HPSE2: variants seen among roughly 807,000 people sequenced by gnomAD.
The protein encoded by HPSE2 is heparanase 2 (inactive).
HPSE2 carries 38 observed loss-of-function variants against 60.5 expected under a neutral mutation model. The observed-to-expected ratio is 0.63, with a 90% CI of 0.48 to 0.82. The LOEUF (loss-of-function observed/expected upper bound fraction) is 0.82. Among genes scored for constraint, HPSE2 ranks in the 40% least tolerant of loss-of-function variants. The probability of loss-of-function intolerance (pLI) is 0.00; values close to 1 mark genes in which losing one functional copy is unlikely to be tolerated. For missense variants in HPSE2, 713 were observed against 740.4 expected, an observed-to-expected ratio of 0.96 and a Z score of 0.43; for synonymous variants, 295 against 293.2, an observed-to-expected ratio of 1.01 and a Z score of -0.06.
At chr10:98,852,130 T>C (rs1357843208) in intron 3 of HPSE2, among the ~76,000 whole-genome samples, 2 of 133,764 alleles carry the variant, frequency 1.5e-5, no homozygotes, top group Non-Finnish European at 3.2e-5. Context: ...TGTGTGTGTG[T>C]GTGTGTGTGT....
intron 3 of HPSE2, among the ~76,000 whole-genome samples, chr10:99,078,309 G>A (rs1313619435): frequency 1.3e-5 from 2 of 152,170 alleles, no homozygotes; most frequent in Admixed American, 1.3e-4. Flanking sequence ...TTTTCCATCA[G>A]GAGTTGATTC....
intron 3 of HPSE2, among the ~76,000 whole-genome samples, chr10:98,992,512 T>C (rs1351325631): frequency 4.1e-4 from 62 of 152,180 alleles, no homozygotes; most frequent in Admixed American, 4.1e-3. Flanking sequence ...AGCCTCTGTG[T>C]TGAATCATTG....
intron 3 of HPSE2, among the ~76,000 whole-genome samples, chr10:98,825,595 C>T: frequency 7.9e-6 from 1 of 126,628 alleles, no homozygotes; most frequent in Non-Finnish European, 1.6e-5. Flanking sequence ...GGGATACAGG[C>T]TCTAGCCCCG....
intron 2 of HPSE2, among the ~76,000 whole-genome samples, chr10:99,213,035 A>G (rs931389492): frequency 2.0e-5 from 3 of 152,166 alleles, no homozygotes; most frequent in Non-Finnish European, 4.4e-5. Context: ...CTGGAATAGG[A>G]CAACAACAGA....
chr10:99,127,286 A>G (rs1845199282), intron 3 of HPSE2, among the ~76,000 whole-genome samples: 1 of 152,196 alleles, frequency 6.6e-6, no homozygotes. Context: ...AGAGAAATAG[A>G]TATCATAAAG....
chr10:99,275,322 T>C, the HPSE2 span, among the ~76,000 whole-genome samples: 1 of 152,210 alleles, frequency 6.6e-6, no homozygotes, highest in African/African-American at 2.4e-5. Flanking sequence ...AGTACATCTC[T>C]GTTTTCTTTG....
chr10:98,713,035 C>T (rs918341034), intron 5 of HPSE2, among the ~76,000 whole-genome samples: 14 of 152,002 alleles, frequency 9.2e-5, no homozygotes, highest in African/African-American at 3.4e-4. Flanking sequence ...AGAATTACTT[C>T]GCTAGATGAC....
intron 2 of HPSE2, among the ~76,000 whole-genome samples, chr10:99,213,794 C>T (rs1038597078): frequency 3.3e-5 from 5 of 152,136 alleles, no homozygotes; most frequent in African/African-American, 1.2e-4. Context: ...CCTCAATTTC[C>T]TCTTCTACAA....
At chr10:99,048,838 T>C (rs1019654924) in intron 3 of HPSE2, among the ~76,000 whole-genome samples, 1 of 152,134 alleles carries the variant, frequency 6.6e-6, no homozygotes, top group African/African-American at 2.4e-5. Context: ...TAGGTATCCA[T>C]CAGTGGTGGA....
At chr10:99,197,210 A>T (rs1162009468) in intron 2 of HPSE2, among the ~76,000 whole-genome samples, 3 of 152,206 alleles carry the variant, frequency 2.0e-5, no homozygotes, top group African/African-American at 7.2e-5. Context: ...AAGGATTGTT[A>T]CCAGAGGCTG....
intron 3 of HPSE2, among the ~76,000 whole-genome samples, chr10:98,993,853 AG>A (rs1433128623): frequency 6.6e-6 from 1 of 152,198 alleles, no homozygotes; most frequent in African/African-American, 2.4e-5. Flanking sequence ...TTTGAAGTAT[AG>A]TGACCCAAAA....
chr10:99,241,768 TA>T, the HPSE2 span, among the ~76,000 whole-genome samples: 1 of 151,898 alleles, frequency 6.6e-6, no homozygotes, highest in East Asian at 1.9e-4. Flanking sequence ...CTCAAAAAAA[TA>T]AAAAAAATTA....
chr10:98,934,473 G>A (rs1403608616), intron 3 of HPSE2, among the ~76,000 whole-genome samples: 1 of 144,224 alleles, frequency 6.9e-6, no homozygotes, highest in East Asian at 2.0e-4. Context: ...CAGGCCTGGT[G>A]GTGACAAAAA....
At chr10:99,298,228 ATC>A in the HPSE2 span, among the ~76,000 whole-genome samples, 1 of 152,144 alleles carries the variant, frequency 6.6e-6, no homozygotes, top group African/African-American at 2.4e-5. Flanking sequence ...TGTTTAGCCC[ATC>A]TCTCTGCACA....
chr10:99,181,700 G>A (rs372769333), intron 2 of HPSE2, among the ~76,000 whole-genome samples: 6 of 152,140 alleles, frequency 3.9e-5, no homozygotes, highest in African/African-American at 1.4e-4. Flanking sequence ...TGGACACAGG[G>A]AGGGGAACAT....
At chr10:98,997,200 C>T (rs1307301514) in intron 3 of HPSE2, among the ~76,000 whole-genome samples, 1 of 151,338 alleles carries the variant, frequency 6.6e-6, no homozygotes, top group Non-Finnish European at 1.5e-5. Context: ...GCAACCTCCG[C>T]CTCCCGGGTT....
chr10:99,250,909 A>G, the HPSE2 span, among the ~76,000 whole-genome samples: 1 of 152,182 alleles, frequency 6.6e-6, no homozygotes, highest in Non-Finnish European at 1.5e-5. Context: ...AAAAAATTAG[A>G]AAGATCTTAA....
At chr10:98,906,356 A>C (rs936571312) in intron 3 of HPSE2, among the ~76,000 whole-genome samples, 1 of 152,194 alleles carries the variant, frequency 6.6e-6, no homozygotes, top group Non-Finnish European at 1.5e-5. Context: ...AGAAACCATG[A>C]TATTAGGAAC....
At chr10:98,968,842 G>C (rs1049552419) in intron 3 of HPSE2, among the ~76,000 whole-genome samples, 1 of 152,066 alleles carries the variant, frequency 6.6e-6, no homozygotes, top group African/African-American at 2.4e-5. Flanking sequence ...GGGGAGTTGG[G>C]AGGAAGGGTG....
Sources: gnomAD v4.1 joint callset for allele counts (sites outside exome capture counted in the v4.1 genomes callset) on GRCh38, gnomAD v4.1.1 for gene constraint, MANE v1.5 for transcripts, NCBI Gene and HGNC (gene_info 2026-07-23, HGNC 2026-07-21) for gene names.